The following MSI2 variants were observed in gnomAD, a reference collection of about 807,000 sequenced individuals.
MSI2 encodes the protein RNA-binding protein Musashi homolog 2.
MSI2 carries 17 observed loss-of-function variants against 45.6 expected under a neutral mutation model. That is an observed-to-expected ratio of 0.37 (90% CI 0.26 to 0.56). The LOEUF (loss-of-function observed/expected upper bound fraction) is 0.56. Ranked by LOEUF, MSI2 falls within the 20% of genes least tolerant of loss-of-function variation. MSI2 has a pLI of 0.77. For missense variants in MSI2, 293 were observed against 444.2 expected (o/e 0.66, Z 3.06); for synonymous variants, 156 against 158.2 (o/e 0.99, Z 0.11).
chr17:57,508,843 G>A (rs1352473778), intron 6 of MSI2, among the ~76,000 whole-genome samples: 1 of 152,250 alleles, frequency 6.6e-6, no homozygotes, highest in South Asian at 2.1e-4. Flanking sequence ...AAGTGCTGAA[G>A]GAGCGTGTTC....
rs1291325025 is a variant in MSI2, at chr17:57,627,185, G to A, written c.653-44G>A. 1.9e-6 allele frequency: 3 copies of A among 1,565,860 alleles called. No individual in the cohort carries two copies. Among genetic ancestry groups the A allele is most frequent in the Non-Finnish European group, 1.8e-6 (2 of 1,136,148 alleles). ...CGTGAGATTTTACCCCAGACCTGAG[G>A]CGGCTGTACTAACAGGACTCTGATC... On this transcript the variant is annotated intron_variant, in intron 9 of 13. Transcript: ENST00000284073. This position sits in a 1 kb window ranked among gnomAD's most constrained non-coding sequence, Gnocchi z 4.6.
At chr17:57,559,442 C>A (rs1475353323) in intron 7 of MSI2, among the ~76,000 whole-genome samples, 1 of 152,224 alleles carries the variant, frequency 6.6e-6, no homozygotes, top group Non-Finnish European at 1.5e-5. Context: ...ATACCAACTT[C>A]CCTAGCTGGG....
intron 7 of MSI2, among the ~76,000 whole-genome samples, chr17:57,561,897 C>T (rs374244835): frequency 6.6e-6 from 1 of 152,108 alleles, no homozygotes; most frequent in Non-Finnish European, 1.5e-5. Flanking sequence ...TTGGTTCAGA[C>T]GTTATTCGAA....
chr17:57,348,561 G>A (rs912527625), intron 5 of MSI2, among the ~76,000 whole-genome samples: 1 of 152,064 alleles, frequency 6.6e-6, no homozygotes, highest in Non-Finnish European at 1.5e-5. Flanking sequence ...AAAAAGCCTG[G>A]CACCTCTTCC....
chr17:57,309,580 G>A lies in MSI2; in HGVS notation c.312+47388G>A, dbSNP rs547327261. Among the ~76,000 whole-genome samples the A allele has an allele frequency of 9.2e-5, 14 of 152,342 alleles. No homozygotes were observed. In the East Asian group the frequency reaches 2.5e-3, roughly 27 times the overall value. ...GTAGGTGTATAATGGTGAAAGAAAA[G>A]TGCATGCAATAAATATTGGGAAATG... On this transcript the variant is annotated intron_variant, in intron 5 of 13. Transcript: ENST00000284073.
In MSI2 at chr17:57,550,296, C is replaced by T. The variant is rs1465014755; in HGVS notation, c.454+20572C>T. On this transcript the variant is annotated intron_variant, in intron 7 of 13. Transcript: ENST00000284073. ...CAGCTAGCCTGGGGAGGACAGCATC[C>T]CAGGCGACCTTCAGGATCAGTGCAA... 3.3e-5 allele frequency among the ~76,000 whole-genome samples: 5 copies of T among 152,244 alleles called. 1 individual carries two copies. Among genetic ancestry groups the T allele is most frequent in the Admixed American group, 2.6e-4 (4 of 15,300 alleles).
At chr17:57,290,083 G>T (rs529849505) in intron 5 of MSI2, among the ~76,000 whole-genome samples, 1 of 152,138 alleles carries the variant, frequency 6.6e-6, no homozygotes, top group East Asian at 1.9e-4. Context: ...ATGGATGCAG[G>T]GACCAGACTG....
chr17:57,583,469 T>G (rs1267023330), intron 7 of MSI2, among the ~76,000 whole-genome samples: 2 of 149,606 alleles, frequency 1.3e-5, no homozygotes, highest in African/African-American at 4.9e-5. Context: ...ATTATACTTT[T>G]TTCCTTCTCC....
In MSI2 at chr17:57,680,574, C is replaced by T. The variant is rs182871503; in HGVS notation, c.*1057C>T. The T allele has an allele frequency of 4.4e-6, 1 of 227,550 alleles. No individual in the cohort carries two copies. The highest frequency in any genetic ancestry group is 6.3e-5 in the East Asian group (1 of 15,896). The allele number at this position is 227,550 out of a possible 1,614,324, so 14.1% of individuals were successfully genotyped here. A position where few individuals can be genotyped will look rare whatever the true frequency, so the allele number is the denominator to read the frequency against. ...TTTGTCTGTGTGATAGACCTAAGAA[C>T]TGTATTAGTGTTGTACCAGCCTATT... On this transcript the variant is annotated 3_prime_UTR_variant, in exon 14 of 14. Coordinates refer to ENST00000284073, the MANE Select transcript of MSI2 (RefSeq NM_138962.4).
intron 7 of MSI2, among the ~76,000 whole-genome samples, chr17:57,550,533 G>A (rs985078602): frequency 6.6e-6 from 1 of 152,154 alleles, no homozygotes; most frequent in Non-Finnish European, 1.5e-5. Context: ...GAAAGAACAC[G>A]ATGTCTCTTT....
At chr17:57,622,818 C>T (rs1567942690) in intron 9 of MSI2, among the ~76,000 whole-genome samples, 1 of 152,194 alleles carries the variant, frequency 6.6e-6, no homozygotes, top group Non-Finnish European at 1.5e-5. Flanking sequence ...AGGTTATTCT[C>T]AAGGAAGTGT....
At chr17:57,587,150 A>G (rs1904364772) in intron 7 of MSI2, among the ~76,000 whole-genome samples, 1 of 152,130 alleles carries the variant, frequency 6.6e-6, no homozygotes, top group Non-Finnish European at 1.5e-5. Context: ...ACCCAGAAGC[A>G]TTGGTCTAGG....
At chr17:57,322,607 G>A (rs186754349) in intron 5 of MSI2, among the ~76,000 whole-genome samples, 2 of 152,158 alleles carry the variant, frequency 1.3e-5, no homozygotes, top group East Asian at 3.9e-4. Flanking sequence ...AACAAACCAC[G>A]TACCACTCAC....
chr17:57,287,836 G>A (rs1356095492), intron 5 of MSI2, among the ~76,000 whole-genome samples: 1 of 152,206 alleles, frequency 6.6e-6, no homozygotes, highest in Admixed American at 6.5e-5. Flanking sequence ...CGTAAGGAGT[G>A]CAAGGAATGC....
At chr17:57,350,069 G>T (rs971364368) in intron 5 of MSI2, among the ~76,000 whole-genome samples, 4 of 152,192 alleles carry the variant, frequency 2.6e-5, no homozygotes, top group Non-Finnish European at 4.4e-5. Flanking sequence ...AATTATAAAT[G>T]AACCATATGG....
At chr17:57,345,586 A>C (rs549826166) in intron 5 of MSI2, among the ~76,000 whole-genome samples, 5 of 152,266 alleles carry the variant, frequency 3.3e-5, no homozygotes, top group African/African-American at 1.2e-4. Flanking sequence ...TTGGGGACTG[A>C]GGCGAGTGGA....
intron 6 of MSI2, among the ~76,000 whole-genome samples, chr17:57,463,990 CGTGTGTGTGTGT>C (rs58522672): frequency 6.8e-5 from 10 of 146,294 alleles, no homozygotes; most frequent in African/African-American, 1.5e-4. Context: ...GTTTAATGAA[CGTGTGTGTGTGT>C]GTGTGTGTGT....
chr17:57,309,267 C>A (rs1262237143), intron 5 of MSI2, among the ~76,000 whole-genome samples: 1 of 152,176 alleles, frequency 6.6e-6, no homozygotes, highest in South Asian at 2.1e-4. Flanking sequence ...GGCTAAGGAA[C>A]TTGTAAGCAT....
chr17:57,549,767 C>A (rs112394641), intron 7 of MSI2, among the ~76,000 whole-genome samples: 1 of 152,194 alleles, frequency 6.6e-6, no homozygotes, highest in Non-Finnish European at 1.5e-5. Flanking sequence ...TCCTGTTTGA[C>A]GATAGCTCCT....
Sources: gnomAD v4.1 joint callset for allele counts (sites outside exome capture counted in the v4.1 genomes callset) on GRCh38, gnomAD v4.1.1 for gene constraint, Gnocchi (gnomAD v3.1) non-coding constraint, MANE v1.5 for transcripts, NCBI Gene and HGNC (gene_info 2026-07-23, HGNC 2026-07-21) for gene names.